Variants in CFAP47 observed in about 807,000 individuals in gnomAD.
The protein encoded by CFAP47 is cilia and flagella associated protein 47.
In CFAP47, 29 loss-of-function variants were observed where a neutral mutation model predicts 148.1. That is an observed-to-expected ratio of 0.20 (90% confidence interval 0.15 to 0.27). The LOEUF is 0.27. CFAP47 is among the 10% of genes least tolerant of loss of function. The pLI, the probability that CFAP47 is intolerant of heterozygous loss-of-function variation, is 1.00. For missense variants in CFAP47, 1,872 were observed against 1,697.5 expected (o/e 1.10, Z -1.81); for synonymous variants, 664 against 577.3 (o/e 1.15, Z -2.15).
At chrX:36,041,246 G>A (rs5973563) in intron 25 of CFAP47, among the ~76,000 whole-genome samples, 2 of 110,172 alleles carry the variant, frequency 1.8e-5, no homozygotes, top group Non-Finnish European at 3.8e-5. Flanking sequence ...AAGTTGACAA[G>A]GAACAAAACA....
chrX:36,295,625 TA>T (rs1941235293), intron 51 of CFAP47, among the ~76,000 whole-genome samples: 1 of 112,179 alleles, frequency 8.9e-6, no homozygotes, highest in African/African-American at 3.2e-5. Context: ...TTCTTCTCTT[TA>T]ACTTAGTGAA....
At chrX:36,151,719 T>C (rs1377129819) in intron 37 of CFAP47, among the ~76,000 whole-genome samples, 4 of 111,599 alleles carry the variant, frequency 3.6e-5, no homozygotes, top group Non-Finnish European at 7.5e-5. Context: ...ACAAAGCCCT[T>C]TGCATTCAAT....
At chrX:36,295,169 G>T (rs1357672891) in intron 51 of CFAP47, among the ~76,000 whole-genome samples, 1 of 112,255 alleles carries the variant, frequency 8.9e-6, no homozygotes, top group African/African-American at 3.2e-5. Flanking sequence ...GAAGATGAAA[G>T]AAGGCTTTAG....
At chrX:36,196,400 C>T (rs1939921134) in intron 42 of CFAP47, among the ~76,000 whole-genome samples, 1 of 110,946 alleles carries the variant, frequency 9.0e-6, no homozygotes, top group African/African-American at 3.3e-5. Context: ...CGGGAAAGAT[C>T]CGAACCCAAA....
chrX:36,353,314 C>CTTT (rs1941758441), intron 59 of CFAP47, among the ~76,000 whole-genome samples: 1 of 110,854 alleles, frequency 9.0e-6, no homozygotes, highest in East Asian at 2.8e-4. Flanking sequence ...GCTATTTTTA[C>CTTT]ATAGTCTTTA....
chrX:36,294,045 G>A (rs887629731), intron 51 of CFAP47, among the ~76,000 whole-genome samples: 4 of 111,675 alleles, frequency 3.6e-5, no homozygotes, highest in Non-Finnish European at 7.5e-5. Context: ...CCCAGAGCAA[G>A]AAACATTCTT....
chrX:36,294,040 A>C (rs6632557), intron 51 of CFAP47, among the ~76,000 whole-genome samples: 30,687 of 110,767 alleles, frequency 0.28, 4,441 homozygotes, highest in African/African-American at 0.56. Flanking sequence ...AAGGACCCAG[A>C]GCAAGAAACA....
chrX:36,249,622 A>C (rs1411491785), intron 48 of CFAP47, among the ~76,000 whole-genome samples: 1 of 111,204 alleles, frequency 9.0e-6, no homozygotes, highest in Non-Finnish European at 1.9e-5. Flanking sequence ...ACTTCTAAAA[A>C]ATAAAAGATA....
chrX:36,189,220 G>T (rs782261161), intron 41 of CFAP47, among the ~76,000 whole-genome samples: 1 of 110,869 alleles, frequency 9.0e-6, no homozygotes, highest in African/African-American at 3.3e-5. Flanking sequence ...CATACATCTG[G>T]GGTGACTGGG....
chrX:35,936,547 C>T lies in CFAP47; in HGVS notation c.402-4736C>T, dbSNP rs190231335. Among the ~76,000 whole-genome samples, 84 of 107,275 alleles carry T rather than the reference C, an allele frequency of 7.8e-4. No individual in the cohort carries two copies. In the East Asian group the frequency reaches 0.021, roughly 26 times the overall value. 93.2% of individuals were successfully genotyped at this position (107,275 alleles called of 115,157 possible). On this transcript the variant is annotated intron_variant, in intron 2 of 63. Transcript: ENST00000378653. ...GTTGATTGTCTGCTCTCATCAAAAT[C>T]GTTATTTTTTTGGTTCCTGATATGA... is the stretch of plus-strand genomic sequence containing the variant.
chrX:36,044,714 G>C (rs1478008048), intron 25 of CFAP47, among the ~76,000 whole-genome samples: 5 of 111,524 alleles, frequency 4.5e-5, no homozygotes, highest in Non-Finnish European at 9.4e-5. Context: ...CAAGACTCTA[G>C]AAAGTTCCAA....
At chrX:36,156,639 A>G (rs1351338043) in intron 37 of CFAP47, among the ~76,000 whole-genome samples, 2 of 110,567 alleles carry the variant, frequency 1.8e-5, no homozygotes, top group African/African-American at 6.6e-5. Flanking sequence ...TTTTTAAAAA[A>G]AAATCAGGGA....
chrX:36,383,508 A>G lies in CFAP47; in HGVS notation c.9355-1289A>G, dbSNP rs7064555. ...AAATATATGTATATGCACAATCACT[A>G]AAATATAGCTTTGTTTTTCAAATTA... On this transcript the variant is annotated intron_variant, in intron 63 of 63. Transcript: ENST00000378653. Among the ~76,000 whole-genome samples the G allele has an allele frequency of 3.0e-3, 335 of 112,041 alleles. 1 individual carries two copies. Among genetic ancestry groups the G allele is most frequent in the African/African-American group, 0.01 (321 of 30,867 alleles).
intron 56 of CFAP47, among the ~76,000 whole-genome samples, chrX:36,311,526 T>A (rs1941394149): frequency 9.0e-6 from 1 of 111,251 alleles, no homozygotes; most frequent in Non-Finnish European, 1.9e-5. Context: ...TAACTCAGCA[T>A]GAGTTTTTTG....
intron 61 of CFAP47, among the ~76,000 whole-genome samples, chrX:36,364,901 C>CATATATATAT (rs60748143): frequency 1.5e-4 from 10 of 67,355 alleles, no homozygotes; most frequent in Non-Finnish European, 2.8e-4. Context: ...ATATTTTGTG[C>CATATATATAT]ATATATATAT....
intron 48 of CFAP47, among the ~76,000 whole-genome samples, chrX:36,241,137 A>G (rs1555995945): frequency 8.9e-6 from 1 of 111,788 alleles, no homozygotes; most frequent in Admixed American, 9.4e-5. Context: ...GAGTGAAGGA[A>G]CTAAGGTACA....
intron 32 of CFAP47, among the ~76,000 whole-genome samples, chrX:36,100,400 C>T (rs867687610): frequency 8.9e-6 from 1 of 112,172 alleles, no homozygotes; most frequent in Middle Eastern, 4.6e-3. Context: ...ATTCATACAA[C>T]TATAGGCAAA....
At chrX:36,305,020 G>A (rs1478439876) in intron 54 of CFAP47, among the ~76,000 whole-genome samples, 1 of 111,687 alleles carries the variant, frequency 9.0e-6, no homozygotes, top group Non-Finnish European at 1.9e-5. Flanking sequence ...TTTAAATAAA[G>A]GCTTTTACTA....
At chrX:36,061,892 C>T (rs1303868886) in intron 26 of CFAP47, among the ~76,000 whole-genome samples, 2 of 112,075 alleles carry the variant, frequency 1.8e-5, no homozygotes, top group Non-Finnish European at 3.8e-5. Context: ...CTTTTCCTCT[C>T]CTTCACCTGT....
Sources: allele counts gnomAD v4.1 joint callset (sites outside exome capture counted in the v4.1 genomes callset), GRCh38; gene constraint gnomAD v4.1.1; transcripts MANE v1.5; gene names NCBI Gene and HGNC (gene_info 2026-07-23, HGNC 2026-07-21).